Variants in DLG2 observed in about 807,000 individuals in gnomAD.
DLG2 encodes disks large homolog 2.
In DLG2, 45 loss-of-function variants were observed where a neutral mutation model predicts 132.5. The ratio of observed to expected loss-of-function variants is 0.34; its 90% CI spans 0.27 to 0.44. DLG2 has a LOEUF of 0.44. DLG2 is among the 20% of genes least tolerant of loss of function. The pLI, the probability that DLG2 is intolerant of heterozygous loss-of-function variation, is 1.00. For missense variants in DLG2, 1,045 were observed against 1,196.9 expected, an observed-to-expected ratio of 0.87 and a Z score of 1.87; for synonymous variants, 424 against 419.6, an observed-to-expected ratio of 1.01 and a Z score of -0.13.
chr11:84,021,510 CT>C (rs2095392881), intron 11 of DLG2, among the ~76,000 whole-genome samples: 1 of 152,092 alleles, frequency 6.6e-6, no homozygotes, highest in African/African-American at 2.4e-5. Context: ...CAGTCTGGTC[CT>C]TAAGCAGCTG....
intron 6 of DLG2, among the ~76,000 whole-genome samples, chr11:84,714,593 CTTT>C (rs2060890488): frequency 9.1e-6 from 1 of 110,018 alleles, no homozygotes; most frequent in African/African-American, 3.7e-5. Flanking sequence ...TTCTCTTTCT[CTTT>C]CTTTCTCTTT....
At chr11:84,305,200 C>T (rs549018757) in intron 7 of DLG2, among the ~76,000 whole-genome samples, 1 of 152,098 alleles carries the variant, frequency 6.6e-6, no homozygotes, top group East Asian at 1.9e-4. Flanking sequence ...AATGATGCTA[C>T]AAAAATGAAA....
intron 4 of DLG2, among the ~76,000 whole-genome samples, chr11:85,205,165 GATATAT>G (rs34558284): frequency 2.1e-5 from 3 of 141,756 alleles, no homozygotes; most frequent in Non-Finnish European, 4.6e-5. Flanking sequence ...TATATATATA[GATATAT>G]ATATATATAA....
At chr11:84,305,606 T>G (rs1163502781) in intron 7 of DLG2, among the ~76,000 whole-genome samples, 1 of 152,158 alleles carries the variant, frequency 6.6e-6, no homozygotes, top group African/African-American at 2.4e-5. Context: ...GTTATCTGTC[T>G]ATCTATCTAT....
chr11:85,067,703 A>AGGTACAAGGAGGAGCT (rs1241689543), intron 6 of DLG2, among the ~76,000 whole-genome samples: 1 of 151,942 alleles, frequency 6.6e-6, no homozygotes, highest in Non-Finnish European at 1.5e-5. Context: ...ATTCTACCAG[A>AGGTACAAGGAGGAGCT]GGTACAAGGA....
chr11:85,393,431 T>C (rs1193962265), intron 3 of DLG2, among the ~76,000 whole-genome samples: 2 of 152,118 alleles, frequency 1.3e-5, no homozygotes, highest in African/African-American at 2.4e-5. Context: ...GAACTAAAAG[T>C]AAATCAACCA....
chr11:84,714,262 AT>A lies in DLG2; in HGVS notation c.358-179532del, dbSNP rs534736377. On this transcript the variant is annotated intron_variant, in intron 6 of 27. Transcript: ENST00000376104. ...GAAACTACCCTGCTAGTGACAAAAA[AT>A]ATGCATAATGATATATGAATTGATG... Among the ~76,000 whole-genome samples the A allele has an allele frequency of 3.9e-5, 6 of 152,240 alleles. No homozygotes were observed. The South Asian group carries it at 1.2e-3, about 32-fold the overall frequency.
chr11:84,950,399 A>G (rs897751805), intron 6 of DLG2, among the ~76,000 whole-genome samples: 1 of 151,996 alleles, frequency 6.6e-6, no homozygotes, highest in African/African-American at 2.4e-5. Context: ...TCTTTTGAAA[A>G]TAGATATAAC....
At position 84,291,214 on chromosome 11, in the gene DLG2, G is replaced by C. The variant is rs150176605; in HGVS notation, c.520-39923C>G. Among the ~76,000 whole-genome samples the C allele has an allele frequency of 4.8e-3, 734 of 152,188 alleles. 7 individuals carry two copies. Among genetic ancestry groups the C allele is most frequent in the African/African-American group, 0.017 (693 of 41,546 alleles). On this transcript the variant is annotated intron_variant, in intron 7 of 27. Transcript: ENST00000376104. ...ATTGACCAAAAACAATTAAAGGCTA[G>C]CTAAGTTAGCTTAGATATATAAAAG...
chr11:85,509,931 T>G (rs2094019697), intron 3 of DLG2: 1 of 151,782 alleles, frequency 6.6e-6, no homozygotes, highest in African/African-American at 2.4e-5. Context: ...AGACAAAGGT[T>G]AGTTCGGCGC....
chr11:85,569,675 C>T (rs1457941022), intron 3 of DLG2, among the ~76,000 whole-genome samples: 5 of 152,182 alleles, frequency 3.3e-5, no homozygotes, highest in East Asian at 1.9e-4. Context: ...GACCTACCAT[C>T]GTACATGAGT....
At chr11:84,821,634 AAAAAAAACAACAACAAC>A (rs1159589869) in intron 6 of DLG2, among the ~76,000 whole-genome samples, 4 of 127,306 alleles carry the variant, frequency 3.1e-5, no homozygotes, top group Admixed American at 3.0e-4. Context: ...ATGTAAAAAA[AAAAAAAACAACAACAAC>A]AAAAAAAACA....
In DLG2 at chr11:85,598,723, G is replaced by A. The variant is rs752626143; in HGVS notation, c.-27C>T. On this transcript the variant is annotated 5_prime_UTR_variant, in exon 3 of 28. Transcript: ENST00000376104. ...ACCTTTTTAACCGCATTTTTCAACA[G>A]CTGCTCCTCTGGTTTCCTTAATTTT... 1.3e-6 allele frequency: 2 copies of A among 1,574,404 alleles called. No homozygotes were observed. Among genetic ancestry groups the A allele is most frequent in the East Asian group, 4.8e-5 (2 of 42,080 alleles).
At chr11:84,189,165 T>A (rs1001163631) in intron 8 of DLG2, among the ~76,000 whole-genome samples, 1 of 151,952 alleles carries the variant, frequency 6.6e-6, no homozygotes, top group African/African-American at 2.4e-5. Context: ...CTTGGGTAAA[T>A]AACGAAATTA....
chr11:85,318,996 G>A (rs993219975), intron 3 of DLG2, among the ~76,000 whole-genome samples: 1 of 151,872 alleles, frequency 6.6e-6, no homozygotes, highest in Non-Finnish European at 1.5e-5. Flanking sequence ...TTATGTAGAT[G>A]ACAGTAAGTC....
intron 6 of DLG2, among the ~76,000 whole-genome samples, chr11:85,040,265 T>C (rs532150214): frequency 2.4e-4 from 37 of 152,028 alleles, no homozygotes; most frequent in African/African-American, 8.2e-4. Context: ...GCATGCTCAA[T>C]CAATTCAAAA....
At chr11:85,483,770 C>A (rs1292670123) in intron 3 of DLG2, among the ~76,000 whole-genome samples, 2 of 151,684 alleles carry the variant, frequency 1.3e-5, no homozygotes, top group Non-Finnish European at 2.9e-5. Flanking sequence ...ATGGTGAAAC[C>A]CTGTCTCTAC....
chr11:84,360,102 G>A (rs1325355369), intron 7 of DLG2, among the ~76,000 whole-genome samples: 1 of 151,798 alleles, frequency 6.6e-6, no homozygotes, highest in Non-Finnish European at 1.5e-5. Context: ...AGGTGAACAG[G>A]TATCTTTTCA....
Position 83,981,452 on chromosome 11 carries a change from T to C in DLG2, c.920-810A>G, listed in dbSNP as rs191680655. Among the ~76,000 whole-genome samples, 69 of 152,198 alleles carry C rather than the reference T, an allele frequency of 4.5e-4. 2 individuals carry two copies. The highest frequency in any genetic ancestry group is 1.6e-3 in the African/African-American group (66 of 41,540). On this transcript the variant is annotated intron_variant, in intron 11 of 27. Transcript: ENST00000376104. ...AAAAATTAATTAATTAATTAATTAA[T>C]TTAATTTTTGAGATAGTCTCGCTCT...
Sources: gnomAD v4.1 joint callset for allele counts (sites outside exome capture counted in the v4.1 genomes callset) on GRCh38, gnomAD v4.1.1 for gene constraint, MANE v1.5 for transcripts, NCBI Gene and HGNC (gene_info 2026-07-23, HGNC 2026-07-21) for gene names.